The following GLI2 variants were observed in gnomAD, a reference collection of about 807,000 sequenced individuals.
GLI2 encodes the protein transcription activator GLI2.
In GLI2, 22 loss-of-function variants were observed where a neutral mutation model predicts 78.9. The ratio of observed to expected loss-of-function variants is 0.28; its 90% CI spans 0.20 to 0.40. The LOEUF (loss-of-function observed/expected upper bound fraction) is 0.40, where lower values mean the gene tolerates loss of function less well. Ranked by LOEUF, GLI2 falls within the 10% of genes least tolerant of loss-of-function variation. The pLI, the probability that GLI2 is intolerant of heterozygous loss-of-function variation, is 1.00. For synonymous variants in GLI2, 974 were observed against 963.7 expected (o/e 1.01, Z -0.20); for missense variants, 2,097 against 2,213.2 (o/e 0.95, Z 1.05).
chr2:120,820,761 G>A (rs1685731896), intron 2 of GLI2, among the ~76,000 whole-genome samples: 2 of 152,256 alleles, frequency 1.3e-5, no homozygotes, highest in South Asian at 4.2e-4. Flanking sequence ...CTAGTGGGAA[G>A]GGGACTGACT....
chr2:120,820,251 C>T (rs1685697802), intron 2 of GLI2, among the ~76,000 whole-genome samples: 1 of 152,230 alleles, frequency 6.6e-6, no homozygotes, highest in Non-Finnish European at 1.5e-5. Context: ...GCCAATTTCT[C>T]CTCCTCTCAG....
chr2:120,886,148 A>G (rs1006576264), intron 2 of GLI2, among the ~76,000 whole-genome samples: 3 of 131,522 alleles, frequency 2.3e-5, no homozygotes, highest in Non-Finnish European at 4.9e-5. Context: ...CCCCTATTCT[A>G]ATTTTTCCAA....
chr2:120,768,466 A>G (rs1410441938), intron 1 of GLI2, among the ~76,000 whole-genome samples: 24 of 152,154 alleles, frequency 1.6e-4, no homozygotes. Context: ...GCAGGTGGAG[A>G]CCACAAAACT....
chr2:120,808,872 A>G (rs990426500), intron 2 of GLI2, among the ~76,000 whole-genome samples: 4 of 152,244 alleles, frequency 2.6e-5, no homozygotes, highest in African/African-American at 9.6e-5. Flanking sequence ...AAAGCACCTG[A>G]GGCCGTTTGT....
chr2:120,757,838 C>G (rs1683078516), intron 1 of GLI2, among the ~76,000 whole-genome samples: 1 of 152,220 alleles, frequency 6.6e-6, no homozygotes, highest in Non-Finnish European at 1.5e-5. Flanking sequence ...TAAGGCTCAC[C>G]TCTTTGGTTT....
chr2:120,901,096 A>G (rs891794324), intron 2 of GLI2, among the ~76,000 whole-genome samples: 1 of 152,226 alleles, frequency 6.6e-6, no homozygotes. Context: ...TTCTTTCAAA[A>G]TAAAGCCACT....
chr2:120,963,279 T>C (rs1573686535), intron 5 of GLI2, among the ~76,000 whole-genome samples: 1 of 152,376 alleles, frequency 6.6e-6, no homozygotes, highest in East Asian at 1.9e-4. Context: ...TGGCATTCTA[T>C]GTGTGTCTTC....
intron 5 of GLI2, among the ~76,000 whole-genome samples, chr2:120,967,271 CT>C (rs1681903995): frequency 6.6e-6 from 1 of 152,244 alleles, no homozygotes; most frequent in Non-Finnish European, 1.5e-5. Flanking sequence ...TTACTGTGCC[CT>C]ACCATGGGCC....
chr2:120,874,107 A>G (rs1455125258), intron 2 of GLI2, among the ~76,000 whole-genome samples: 1 of 152,044 alleles, frequency 6.6e-6, no homozygotes, highest in Non-Finnish European at 1.5e-5. Flanking sequence ...CCGGCTGCAC[A>G]CAGCTGGCCA....
chr2:120,821,948 G>T (rs1442099655), intron 2 of GLI2, among the ~76,000 whole-genome samples: 1 of 152,228 alleles, frequency 6.6e-6, no homozygotes, highest in Non-Finnish European at 1.5e-5. Flanking sequence ...CTCCACGGGG[G>T]CCGGGAGAAA....
intron 2 of GLI2, among the ~76,000 whole-genome samples, chr2:120,821,266 C>G (rs1368575346): frequency 6.6e-6 from 1 of 152,072 alleles, no homozygotes; most frequent in African/African-American, 2.4e-5. Context: ...ATAGAGTTTA[C>G]TAGGACAAGC....
intron 1 of GLI2, among the ~76,000 whole-genome samples, chr2:120,796,008 C>T (rs748784171): frequency 6.6e-6 from 1 of 152,170 alleles, no homozygotes; most frequent in Non-Finnish European, 1.5e-5. Flanking sequence ...CGCGCCATTG[C>T]ACTCCAGCCT....
At chr2:120,933,108 G>A (rs1347238786) in intron 3 of GLI2, among the ~76,000 whole-genome samples, 1 of 152,148 alleles carries the variant, frequency 6.6e-6, no homozygotes, top group Non-Finnish European at 1.5e-5. Context: ...AGGGGAGCAG[G>A]ACCAGGGCTG....
intron 1 of GLI2, among the ~76,000 whole-genome samples, chr2:120,763,959 C>A (rs992721756): frequency 1.3e-5 from 2 of 152,204 alleles, no homozygotes; most frequent in Non-Finnish European, 2.9e-5. Context: ...CCAGTGTGTC[C>A]GGGGAGATAA....
At chr2:120,846,167 G>T (rs1229707253) in intron 2 of GLI2, among the ~76,000 whole-genome samples, 1 of 152,190 alleles carries the variant, frequency 6.6e-6, no homozygotes, top group Non-Finnish European at 1.5e-5. Flanking sequence ...CCGTGGAGTG[G>T]CCTCCCTTCC....
intron 2 of GLI2, among the ~76,000 whole-genome samples, chr2:120,875,523 A>G (rs1416735980): frequency 6.6e-6 from 1 of 152,244 alleles, no homozygotes; most frequent in East Asian, 1.9e-4. Context: ...TACAGTAGAC[A>G]CAGCCTGTCC....
At chr2:120,916,157 C>T (rs1280342050) in intron 2 of GLI2, among the ~76,000 whole-genome samples, 1 of 152,230 alleles carries the variant, frequency 6.6e-6, no homozygotes, top group Non-Finnish European at 1.5e-5. Flanking sequence ...GCTCTGGCAA[C>T]AGGGCCCAGC....
chr2:120,878,999 C>G (rs1465863379), intron 2 of GLI2, among the ~76,000 whole-genome samples: 1 of 152,100 alleles, frequency 6.6e-6, no homozygotes, highest in Non-Finnish European at 1.5e-5. Context: ...TCTGTTATCT[C>G]AGCATCCTCA....
At chr2:120,923,237 C>CGT (rs1679475216) in intron 2 of GLI2, among the ~76,000 whole-genome samples, 1 of 77,136 alleles carries the variant, frequency 1.3e-5, no homozygotes, top group Admixed American at 1.6e-4. Context: ...TACACAGCAA[C>CGT]ACACACACAC....
Sources: allele counts gnomAD v4.1 joint callset (sites outside exome capture counted in the v4.1 genomes callset), GRCh38; gene constraint gnomAD v4.1.1; transcripts MANE v1.5; gene names NCBI Gene and HGNC (gene_info 2026-07-23, HGNC 2026-07-21).